The following NUP188 variants were observed in gnomAD, a reference collection of about 807,000 sequenced individuals.
NUP188 encodes nucleoporin 188, also known as nucleoporin NUP188.
Under a neutral mutation model 223.0 loss-of-function variants are expected in NUP188, and 97 were observed. The observed-to-expected ratio is 0.43, with a 90% CI of 0.37 to 0.51. The LOEUF (loss-of-function observed/expected upper bound fraction) is 0.51. Ranked by LOEUF, NUP188 falls within the 20% of genes least tolerant of loss-of-function variation. The pLI is 0.00. For missense variants in NUP188, 1,947 were observed against 2,175.6 expected (o/e 0.89, Z 2.09); for synonymous variants, 869 against 828.0 (o/e 1.05, Z -0.85).
In NUP188 at chr9:128,957,071, C is replaced by G. The variant is rs747356651; in HGVS notation, c.327+39C>G. The G allele has an allele frequency of 2.9e-6, 4 of 1,398,392 alleles. No individual in the cohort carries two copies. In the African/African-American group the frequency reaches 5.8e-5, roughly 20 times the overall value. The allele number at this position is 1,398,392 out of a possible 1,614,324, so 86.6% of individuals were successfully genotyped here. A position where few individuals can be genotyped will look rare whatever the true frequency, so the allele number is the denominator to read the frequency against. On this transcript the variant is annotated intron_variant, in intron 5 of 43. Coordinates refer to ENST00000372577, the MANE Select transcript of NUP188 (RefSeq NM_015354.3). ...GTCAGCTCCTTTCTTCTGCCTTTAT[C>G]CTTTTTCCCTGTTGGTTTTAGATAA... is the stretch of plus-strand genomic sequence containing the variant.
intron 3 of NUP188, among the ~76,000 whole-genome samples, chr9:128,955,973 G>A (rs570688962): frequency 1.3e-5 from 1 of 77,938 alleles, no homozygotes; most frequent in African/African-American, 8.4e-5. Flanking sequence ...TGGGATTTTT[G>A]GTAAGTTATT....
At position 129,001,935 on chromosome 9, in the gene NUP188, CTTCT is replaced by C. The variant is rs1290289263; in HGVS notation, c.4097_4100del (p.Leu1366ArgfsTer6). On this transcript the variant is annotated frameshift_variant, in exon 36 of 44. Coordinates refer to ENST00000372577, the MANE Select transcript of NUP188 (RefSeq NM_015354.3). LOFTEE classifies it high-confidence loss of function. The stretch of plus-strand genomic sequence containing the variant: ...CATCACCCAGAGCATTTGTTTGCCC[CTTCT>C]GAGTGTGTACCAGCTGAGCACCAAC... 1 of 1,614,208 alleles carries C rather than the reference CTTCT, an allele frequency of 6.2e-7. No homozygotes were observed. The highest frequency in any genetic ancestry group is 1.7e-5 in the Admixed American group (1 of 60,028).
chr9:128,949,394 G>T, intron 2 of NUP188, 151 bp downstream of exon 2: 1 of 578,486 alleles, frequency 1.7e-6, no homozygotes, highest in South Asian at 2.0e-5. Flanking sequence ...GTGCAATGGC[G>T]TGATCTCGGC....
chr9:128,983,006 C>T lies in NUP188; in HGVS notation c.1774C>T (p.Arg592Cys), dbSNP rs775582670. The T allele has an allele frequency of 2.5e-6, 4 of 1,614,012 alleles. No homozygotes were observed. The highest frequency in any genetic ancestry group is 2.5e-6 in the Non-Finnish European group (3 of 1,180,026). Residue 592 changes from arginine to cysteine, a missense_variant, in exon 17 of 44, where the codon CGC (arginine) becomes TGC (cysteine). Around this residue, in one of 3 missense-constraint regions of NUP188, gnomAD observed 817 missense variants for 865.8 expected, o/e 0.94. Transcript: ENST00000372577. ...IADCLLPITS[R>C]IYMLLQRLTT... ...AGACTGTCTCCTGCCCATCACATCT[C>T]GCATCTACATGCTGCTGCAGCGGTG...
chr9:128,991,749 A>G (rs1209304117), intron 25 of NUP188, among the ~76,000 whole-genome samples: 2 of 149,578 alleles, frequency 1.3e-5, no homozygotes, highest in East Asian at 4.1e-4. Flanking sequence ...AGGCTGAGGC[A>G]GGAGAATTGC....
Position 128,968,516 on chromosome 9 carries a change from A to C in NUP188, c.596A>C (p.Gln199Pro). ...TCATTGGTTGTACAGACAGAGCGCC[A>C]AGTGTCTCGCTGGTTTGTTCAGTGC... ...ETHGNLMTER[Q>P]VSRWFVQCLR... The change falls in exon 9 of 44, where the codon CAA (glutamine) becomes CCA (proline). Residue 199 changes from glutamine (Q) to proline (P), a missense_variant. Physicochemically the swap from Gln to Pro is moderately conservative, Grantham distance 76. Coordinates refer to ENST00000372577, the MANE Select transcript of NUP188 (RefSeq NM_015354.3). The C allele has an allele frequency of 6.2e-7, 1 of 1,613,934 alleles. No homozygotes were observed. The highest frequency in any genetic ancestry group is 8.5e-7 in the Non-Finnish European group (1 of 1,179,888).
chr9:128,991,322 GA>G (rs1482102172), intron 25 of NUP188, among the ~76,000 whole-genome samples: 2 of 151,958 alleles, frequency 1.3e-5, no homozygotes, highest in African/African-American at 4.8e-5. Flanking sequence ...GGTGGATCAT[GA>G]GGTCAGGGGT....
Position 128,979,249 on chromosome 9 carries a change from C to T in NUP188, c.1204-13C>T, listed in dbSNP as rs1404239661. The T allele has an allele frequency of 6.2e-7, 1 of 1,601,626 alleles. No homozygotes were observed. The highest frequency in any genetic ancestry group is 1.1e-5 in the South Asian group (1 of 90,158). On this transcript the variant is annotated splice_polypyrimidine_tract_variant and intron_variant, in intron 12 of 43. Transcript: ENST00000372577. ...AGGGAAAATGATCCATTTTTCTTCC[C>T]TTCCTCAAACAGGATATAATTGATA...
rs1457496677 is a variant in NUP188 at position 128,970,806 on chromosome 9, C to T, written c.961C>T (p.Pro321Ser). 1 of 1,614,174 alleles carries T rather than the reference C, an allele frequency of 6.2e-7. No individual in the cohort carries two copies. Among genetic ancestry groups the T allele is most frequent in the South Asian group, 1.1e-5 (1 of 91,074 alleles). ...LTFGDIPHHA[P>S]VLLAWALLRH... ...CTTTGGGGACATTCCACATCATGCC[C>T]CAGTGCTTTTGGCCTGGGCTCTCCT... Residue 321 changes from proline to serine, a missense_variant, in exon 11 of 44, where the codon CCA (proline) becomes TCA (serine). Around this residue, in one of 3 missense-constraint regions of NUP188, gnomAD observed 817 missense variants for 865.8 expected, o/e 0.94. Coordinates refer to ENST00000372577, the MANE Select transcript of NUP188 (RefSeq NM_015354.3).
At chr9:128,985,432 A>G (rs12685378) in intron 20 of NUP188, among the ~76,000 whole-genome samples, 53,141 of 152,046 alleles carry the variant, frequency 0.35, 9,553 homozygotes, top group Admixed American at 0.41. Context: ...TTTTCTATTC[A>G]GTCTCCTCCC....
intron 30 of NUP188, among the ~76,000 whole-genome samples, chr9:128,996,956 C>T (rs888222130): frequency 6.6e-6 from 1 of 152,186 alleles, no homozygotes; most frequent in Non-Finnish European, 1.5e-5. Context: ...GATCTTTGAT[C>T]GCATAGAGAG....
chr9:128,963,786 A>G (rs940456911), intron 8 of NUP188, among the ~76,000 whole-genome samples: 2 of 149,378 alleles, frequency 1.3e-5, no homozygotes, highest in East Asian at 3.9e-4. Context: ...GATTACAGGC[A>G]TATGCCACCA....
Position 128,975,238 on chromosome 9 carries a change from T to C in NUP188, c.1203+1989T>C, listed in dbSNP as rs534340727. ...TCTTTTTCTTTTCCTTTTTTTTTTTTTTTTTGAGACGGAGTCTTGCCCTTG... is the reference window on the plus strand; with the variant it reads ...TCTTTTTCTTTTCCTTTTTTTTTTTCTTTTTGAGACGGAGTCTTGCCCTTG... On this transcript the variant is annotated intron_variant, in intron 12 of 43. Transcript: ENST00000372577. 3.1e-4 allele frequency among the ~76,000 whole-genome samples: 46 copies of C among 149,562 alleles called. No homozygotes were observed. In the East Asian group the frequency reaches 8.9e-3, roughly 29 times the overall value.
chr9:128,961,474 T>G (rs1588271681), intron 8 of NUP188, among the ~76,000 whole-genome samples: 1 of 151,962 alleles, frequency 6.6e-6, no homozygotes, highest in African/African-American at 2.4e-5. Flanking sequence ...ATGACGCCAG[T>G]GCACTCTGGC....
Position 128,982,563 on chromosome 9 carries a change from C to T in NUP188, c.1531C>T (p.Leu511Phe), listed in dbSNP as rs373575797. Residue 511 changes from leucine to phenylalanine, a missense_variant, in exon 16 of 44, where the codon CTT (leucine) becomes TTT (phenylalanine). Physicochemically the swap from Leu to Phe is conservative, Grantham distance 22 (BLOSUM62 0). Coordinates refer to ENST00000372577, the MANE Select transcript of NUP188 (RefSeq NM_015354.3). ...LLYPLGGQTN[L>F]RIPQGTVGQV... ...TTCTCTCTCAGGGGGTCAAACCAAC[C>T]TTCGCATACCTCAAGGCACTGTGGG... 6.2e-7 allele frequency: 1 copy of T among 1,610,964 alleles called. No homozygotes were observed. The highest frequency in any genetic ancestry group is 8.5e-7 in the Non-Finnish European group (1 of 1,179,158).
Position 128,993,482 on chromosome 9 carries a change from G to T in NUP188, c.2848-43G>T, listed in dbSNP as rs751215567. Reference sequence around the variant, plus strand: ...CTGGGCTCTGCAAGTACAGCTGCTGGCAGTGGCTGTGGAACTGAACTCTTA... The same window carrying T: ...CTGGGCTCTGCAAGTACAGCTGCTGTCAGTGGCTGTGGAACTGAACTCTTA... On this transcript the variant is annotated intron_variant, in intron 26 of 43. Coordinates refer to ENST00000372577, the MANE Select transcript of NUP188 (RefSeq NM_015354.3). 94 of 1,612,364 alleles carry T rather than the reference G, an allele frequency of 5.8e-5. No homozygotes were observed. The South Asian group carries it at 8.7e-4, about 15-fold the overall frequency.
Position 129,005,715 on chromosome 9 carries a change from T to A in NUP188, c.4808T>A (p.Val1603Glu). ...ACCACTCCCACCTTTGACTCCGAAGTGGCCCCCTCCTTCGGGACCCTTCTG... is the reference window on the plus strand; with the variant it reads ...ACCACTCCCACCTTTGACTCCGAAGAGGCCCCCTCCTTCGGGACCCTTCTG... ...SFTTPTFDSE[V>E]APSFGTLLAT... The change falls in exon 41 of 44, where the codon GTG (valine) becomes GAG (glutamate). Residue 1603 changes from valine to glutamate, a missense_variant. Val to Glu is a moderately radical substitution (Grantham distance 121). Coordinates refer to ENST00000372577, the MANE Select transcript of NUP188 (RefSeq NM_015354.3). 1 of 1,614,120 alleles carries A rather than the reference T, an allele frequency of 6.2e-7. No individual in the cohort carries two copies. Among genetic ancestry groups the A allele is most frequent in the Non-Finnish European group, 8.5e-7 (1 of 1,179,998 alleles).
intron 3 of NUP188, among the ~76,000 whole-genome samples, chr9:128,953,438 A>G (rs187590357): frequency 5.6e-4 from 85 of 152,276 alleles, no homozygotes; most frequent in African/African-American, 2.0e-3. Flanking sequence ...ATCTCATTCT[A>G]TTATGCGTTA....
chr9:128,990,613 C>G (rs138909283), intron 25 of NUP188, among the ~76,000 whole-genome samples: 2 of 152,302 alleles, frequency 1.3e-5, no homozygotes, highest in East Asian at 3.9e-4. Flanking sequence ...GCCTGTAATC[C>G]CAGCACTTTG....
Sources: gnomAD v4.1 joint callset for allele counts (sites outside exome capture counted in the v4.1 genomes callset) on GRCh38, gnomAD v4.1.1 for gene constraint, gnomAD v4.1.1 regional missense constraint, MANE v1.5 for transcripts, NCBI Gene and HGNC (gene_info 2026-07-23, HGNC 2026-07-21) for gene names.